FBXO11: variants seen among roughly 807,000 people sequenced by gnomAD.
FBXO11 encodes F-box protein 11, also known as F-box only protein 11.
A neutral mutation model predicts 117.0 loss-of-function variants in FBXO11; 13 were observed. The observed-to-expected ratio is 0.11, with a 90% confidence interval of 0.07 to 0.18. The LOEUF (loss-of-function observed/expected upper bound fraction) is 0.18, where lower values mean the gene tolerates loss of function less well. Ranked by LOEUF, FBXO11 falls within the 10% of genes least tolerant of loss-of-function variation. The probability of loss-of-function intolerance (pLI) is 1.00; values close to 1 mark genes in which losing one functional copy is unlikely to be tolerated. For missense variants in FBXO11, 767 were observed against 1,164.4 expected (o/e 0.66, Z 4.97); for synonymous variants, 490 against 380.5 (o/e 1.29, Z -3.35).
At chr2:47,894,321 G>A (rs1447857518) in intron 1 of FBXO11, among the ~76,000 whole-genome samples, 1 of 152,108 alleles carries the variant, frequency 6.6e-6, no homozygotes, top group Non-Finnish European at 1.5e-5. Flanking sequence ...CTTATTGTAA[G>A]ACAATAAAGG....
rs1678765153 is a variant in FBXO11, at chr2:47,905,783, CG to C, written c.-64del. ...ACACACGCACACGCACAGCGAGCTT[CG>C]GGGCAGGAGAAAGGGGTGGGGAGAG... On this transcript the variant is annotated 5_prime_UTR_variant, in exon 1 of 23. Coordinates refer to ENST00000403359, the MANE Select transcript of FBXO11 (RefSeq NM_001190274.2). 8.5e-6 allele frequency: 10 copies of C among 1,176,120 alleles called. No homozygotes were observed. The highest frequency in any genetic ancestry group is 3.8e-5 in the African/African-American group (2 of 53,060). The allele number at this position is 1,176,120 out of a possible 1,614,324, so 72.9% of individuals were successfully genotyped here.
At chr2:47,902,641 A>T (rs1347633029) in intron 1 of FBXO11, among the ~76,000 whole-genome samples, 2 of 152,176 alleles carry the variant, frequency 1.3e-5, no homozygotes, top group African/African-American at 2.4e-5. Context: ...AAGTTTTTAT[A>T]CCAATTAACC....
chr2:47,826,127 C>T (rs747887106), intron 11 of FBXO11, among the ~76,000 whole-genome samples: 44 of 152,158 alleles, frequency 2.9e-4, no homozygotes, highest in Non-Finnish European at 5.1e-4. Context: ...GGCACGATCT[C>T]GGCTCACTGC....
At chr2:47,856,049 T>C (rs1183919562) in intron 1 of FBXO11, among the ~76,000 whole-genome samples, 1 of 152,166 alleles carries the variant, frequency 6.6e-6, no homozygotes, top group East Asian at 1.9e-4. Flanking sequence ...AGTTCGAGGC[T>C]GCAGCGTGCT....
In FBXO11 at chr2:47,905,499, G is replaced by A. The variant is rs1464439064; in HGVS notation, c.222C>T (p.Val74=). The part of the protein sequence containing the change: ...PPPLPQERNN[V]GERDDDVPAD... The stretch of plus-strand genomic sequence containing the variant: ...GTAGCGCGGCCTTACCCCGCTCGCC[G>A]ACGTTGTTCCGCTCCTGAGGCAGCG... The change falls in exon 1 of 23, where the codon GTC becomes GTT. Residue 74 remains valine (V), a synonymous_variant. Transcript: ENST00000403359. 7 of 1,226,738 alleles carry A rather than the reference G, an allele frequency of 5.7e-6. No homozygotes were observed. Among genetic ancestry groups the A allele is most frequent in the Non-Finnish European group, 7.1e-6 (7 of 984,680 alleles). The allele number at this position is 1,226,738 out of a possible 1,614,324, so 76.0% of individuals were successfully genotyped here. A position where few individuals can be genotyped will look rare whatever the true frequency, so the allele number is the denominator to read the frequency against.
chr2:47,823,438 T>C (rs1671522649), intron 11 of FBXO11, 78 bp from the exon 12 acceptor site: 1 of 1,062,208 alleles, frequency 9.4e-7, no homozygotes, highest in Non-Finnish European at 1.3e-6. Context: ...AACATTTCAA[T>C]GCATATCTAA....
At chr2:47,841,870 A>G (rs565648231) in intron 1 of FBXO11, among the ~76,000 whole-genome samples, 1 of 151,912 alleles carries the variant, frequency 6.6e-6, no homozygotes, top group South Asian at 2.1e-4. Context: ...CTAACTCCTG[A>G]CCTCGTGATC....
intron 1 of FBXO11, among the ~76,000 whole-genome samples, chr2:47,855,136 T>G (rs1468681549): frequency 1.3e-5 from 2 of 152,124 alleles, no homozygotes; most frequent in South Asian, 2.1e-4. Context: ...ACTTTCTTAG[T>G]ACATTTCAAT....
intron 16 of FBXO11, chr2:47,818,474 G>A (rs533191217): frequency 3.9e-6 from 1 of 255,616 alleles, no homozygotes; most frequent in Non-Finnish European, 7.4e-6. Flanking sequence ...TAATGCACAA[G>A]TATTTTAACA....
chr2:47,824,943 T>C (rs933313421), intron 11 of FBXO11, among the ~76,000 whole-genome samples: 2 of 152,240 alleles, frequency 1.3e-5, no homozygotes, highest in Admixed American at 1.3e-4. Flanking sequence ...ATTTTTCTCA[T>C]GTTACTTCCA....
chr2:47,891,934 TGA>T (rs1020424072), intron 1 of FBXO11, among the ~76,000 whole-genome samples: 1 of 152,242 alleles, frequency 6.6e-6, no homozygotes, highest in African/African-American at 2.4e-5. Flanking sequence ...GAATGTCTAT[TGA>T]AGTCTTTAGC....
intron 1 of FBXO11, among the ~76,000 whole-genome samples, chr2:47,890,332 A>G (rs1362716353): frequency 1.3e-5 from 2 of 152,166 alleles, no homozygotes; most frequent in Non-Finnish European, 2.9e-5. Flanking sequence ...TAATATAGTC[A>G]ATTATCATCC....
chr2:47,868,231 C>T (rs960050093), intron 1 of FBXO11, among the ~76,000 whole-genome samples: 13 of 146,298 alleles, frequency 8.9e-5, no homozygotes, highest in African/African-American at 2.8e-4. Context: ...TGCAGTGAGC[C>T]GAGATCGCGC....
Position 47,823,295 on chromosome 2 carries a change from A to G in FBXO11, c.1464T>C (p.Ala488=). 6.2e-7 allele frequency: 1 copy of G among 1,614,040 alleles called. No homozygotes were observed. Among genetic ancestry groups the G allele is most frequent in the Non-Finnish European group, 8.5e-7 (1 of 1,179,966 alleles). The change falls in exon 12 of 23, where the codon GCT becomes GCC. Residue 488 remains alanine (A), a synonymous_variant. Transcript: ENST00000403359. Reference sequence around the variant, plus strand: ...TTTCACATCGAACCACTGTAGGGTTAGCATAGGCTTTTACTTCAAAGCCTG... The same window carrying G: ...TTTCACATCGAACCACTGTAGGGTTGGCATAGGCTTTTACTTCAAAGCCTG... The part of the protein sequence containing the change: ...RIAGFEVKAY[A]NPTVVRCEIH...
chr2:47,840,504 G>A (rs1672936105), intron 1 of FBXO11, among the ~76,000 whole-genome samples: 2 of 147,398 alleles, frequency 1.4e-5, no homozygotes, highest in Non-Finnish European at 3.0e-5. Flanking sequence ...AGGCTGGAGT[G>A]CAGTGGCCCG....
chr2:47,825,839 A>C (rs1671714210), intron 11 of FBXO11, among the ~76,000 whole-genome samples: 1 of 151,968 alleles, frequency 6.6e-6, no homozygotes. Context: ...GGCCTCTCAA[A>C]GTGCTGGGAT....
intron 1 of FBXO11, among the ~76,000 whole-genome samples, chr2:47,855,248 T>A (rs982619282): frequency 6.6e-6 from 1 of 151,744 alleles, no homozygotes; most frequent in Non-Finnish European, 1.5e-5. Flanking sequence ...TCGCCCAGGA[T>A]AGACTGCAGT....
In FBXO11 at chr2:47,894,855, T is replaced by C. The variant is rs74825357; in HGVS notation, c.232+10634A>G. Among the ~76,000 whole-genome samples the C allele has an allele frequency of 2.6e-3, 390 of 152,112 alleles. 13 individuals carry two copies. The East Asian group carries it at 0.069, about 27-fold the overall frequency. On this transcript the variant is annotated intron_variant, in intron 1 of 22. Coordinates refer to ENST00000403359, the MANE Select transcript of FBXO11 (RefSeq NM_001190274.2). ...GTGGCTATCTGCAAAAAAATGAAAA[T>C]GTGAAAATGGGAAAGAACACAGCAG...
intron 1 of FBXO11, chr2:47,883,488 A>G: frequency 2.4e-6 from 1 of 416,272 alleles, no homozygotes; most frequent in Non-Finnish European, 4.8e-6. Flanking sequence ...TATGGGGAAG[A>G]CCATCACCCT....
Sources: allele counts gnomAD v4.1 joint callset (sites outside exome capture counted in the v4.1 genomes callset), GRCh38; gene constraint gnomAD v4.1.1; transcripts MANE v1.5; gene names NCBI Gene and HGNC (gene_info 2026-07-23, HGNC 2026-07-21).